PRKCA: variants seen among roughly 807,000 people sequenced by gnomAD.
PRKCA encodes the protein protein kinase C alpha.
In PRKCA, 27 loss-of-function variants were observed where a neutral mutation model predicts 87.0. The ratio of observed to expected loss-of-function variants is 0.31; its 90% CI spans 0.23 to 0.43. PRKCA has a LOEUF of 0.43. Ranked by LOEUF, PRKCA falls within the 20% of genes least tolerant of loss-of-function variation. PRKCA has a pLI of 1.00. For missense variants in PRKCA, 518 were observed against 852.3 expected, an observed-to-expected ratio of 0.61 and a Z score of 4.88; for synonymous variants, 329 against 311.1, an observed-to-expected ratio of 1.06 and a Z score of -0.61.
At chr17:66,775,420 C>T in intron 14 of PRKCA, 1 of 985,108 alleles carries the variant, frequency 1.0e-6, no homozygotes, top group African/African-American at 1.7e-5. Context: ...CACTTGGCCC[C>T]AGTGGGACAC....
In PRKCA at chr17:66,540,874, T is replaced by C. The variant is rs138512445; in HGVS notation, c.288+44591T>C. On this transcript the variant is annotated intron_variant, in intron 3 of 16. Coordinates refer to ENST00000413366, the MANE Select transcript of PRKCA (RefSeq NM_002737.3). ...TTCCTGGACCTATTCCGTTGTATATTTCTCTGTGCACTCCCTGAGCCTCCC... is the reference window on the plus strand; with the variant it reads ...TTCCTGGACCTATTCCGTTGTATATCTCTCTGTGCACTCCCTGAGCCTCCC... 5.1e-4 allele frequency among the ~76,000 whole-genome samples: 77 copies of C among 152,314 alleles called. No individual in the cohort carries two copies. The East Asian group carries it at 0.014, about 28-fold the overall frequency.
chr17:66,775,129 G>A, intron 14 of PRKCA: 4 of 983,816 alleles, frequency 4.1e-6, no homozygotes, highest in Non-Finnish European at 4.8e-6. Flanking sequence ...TGGTGGTGCT[G>A]ATGGATGCGA....
chr17:66,314,931 ATATG>A (rs1352354689), intron 2 of PRKCA, among the ~76,000 whole-genome samples: 3 of 150,960 alleles, frequency 2.0e-5, no homozygotes, highest in Admixed American at 6.6e-5. Context: ...GTGTGTATAT[ATATG>A]TGTGTGTGTA....
intron 13 of PRKCA, among the ~76,000 whole-genome samples, chr17:66,771,303 C>T (rs1974928536): frequency 6.6e-6 from 1 of 152,146 alleles, no homozygotes; most frequent in Non-Finnish European, 1.5e-5. Context: ...CTGCCCCTGG[C>T]CAGCAATGTG....
intron 3 of PRKCA, among the ~76,000 whole-genome samples, chr17:66,575,674 A>G (rs967980320): frequency 2.0e-5 from 3 of 152,246 alleles, no homozygotes; most frequent in Admixed American, 2.0e-4. Flanking sequence ...AAAACCACAC[A>G]TACAGGGATT....
rs1049593678 is a variant in PRKCA, at chr17:66,689,478, C to T, written c.918+431C>T. ...AGACTTTTTTTTTCTACAGAAAGTA[C>T]AAGGTTCCTAATTTTGTTCTGAAAG... On this transcript the variant is annotated intron_variant, in intron 8 of 16. Coordinates refer to ENST00000413366, the MANE Select transcript of PRKCA (RefSeq NM_002737.3). The surrounding 1 kb of genome is among the most constrained non-coding windows in gnomAD (Gnocchi z 4.1). Among the ~76,000 whole-genome samples the T allele has an allele frequency of 5.3e-5, 8 of 152,120 alleles. No individual in the cohort carries two copies. The highest frequency in any genetic ancestry group is 1.9e-4 in the African/African-American group (8 of 41,414).
At chr17:66,358,673 T>G (rs1422182541) in intron 2 of PRKCA, among the ~76,000 whole-genome samples, 6 of 152,160 alleles carry the variant, frequency 3.9e-5, no homozygotes, top group African/African-American at 1.4e-4. Flanking sequence ...TCAGTACCTT[T>G]TTTCTTGTCC....
At chr17:66,544,612 G>A (rs1324324564) in intron 3 of PRKCA, among the ~76,000 whole-genome samples, 1 of 151,262 alleles carries the variant, frequency 6.6e-6, no homozygotes, top group Non-Finnish European at 1.5e-5. Flanking sequence ...TTTTTAAGAT[G>A]GAGTGAGTCT....
At chr17:66,734,698 G>A (rs764930559) in intron 9 of PRKCA, among the ~76,000 whole-genome samples, 2 of 152,118 alleles carry the variant, frequency 1.3e-5, no homozygotes, top group African/African-American at 2.4e-5. Flanking sequence ...TGGGAATGCG[G>A]CCCAGCAGAT....
At chr17:66,666,830 C>A (rs1020813352) in intron 5 of PRKCA, among the ~76,000 whole-genome samples, 1 of 151,810 alleles carries the variant, frequency 6.6e-6, no homozygotes, top group Non-Finnish European at 1.5e-5. Context: ...CCTTTGAATC[C>A]CCCCCCCACA....
rs529470787 is a variant in PRKCA at position 66,419,150 on chromosome 17, A to T, written c.206-77051A>T. Among the ~76,000 whole-genome samples the T allele has an allele frequency of 9.2e-5, 14 of 152,238 alleles. 1 individual carries two copies. Among genetic ancestry groups the T allele is most frequent in the Middle Eastern group, 6.8e-3 (2 of 294 alleles). On this transcript the variant is annotated intron_variant, in intron 2 of 16. Coordinates refer to ENST00000413366, the MANE Select transcript of PRKCA (RefSeq NM_002737.3). ...ACATGGGCTCAATTATTATGTTAGG[A>T]TAATCAAATAAGAATACTAGTTCAA...
chr17:66,413,733 G>T (rs1911953569), intron 2 of PRKCA, among the ~76,000 whole-genome samples: 1 of 152,206 alleles, frequency 6.6e-6, no homozygotes. Context: ...AAGTATCAGG[G>T]CTGGGTGTGG....
At chr17:66,387,143 T>C (rs1910105711) in intron 2 of PRKCA, among the ~76,000 whole-genome samples, 1 of 152,264 alleles carries the variant, frequency 6.6e-6, no homozygotes, top group South Asian at 2.1e-4. Context: ...CATCAACTTG[T>C]AGTACAACAG....
intron 14 of PRKCA, 137 bp downstream of exon 14, chr17:66,774,204 AG>A: frequency 6.5e-7 from 1 of 1,534,478 alleles, no homozygotes; most frequent in Non-Finnish European, 8.8e-7. Context: ...CAGGCGAAAG[AG>A]GGAGAAACGC....
intron 5 of PRKCA, among the ~76,000 whole-genome samples, chr17:66,679,174 CTTTTTTTTTT>C (rs10714678): frequency 3.3e-5 from 4 of 121,056 alleles, no homozygotes; most frequent in African/African-American, 6.3e-5. Flanking sequence ...ACACTCACAC[CTTTTTTTTTT>C]TTTTTTTTTT....
chr17:66,654,091 G>A (rs28562384), intron 5 of PRKCA, among the ~76,000 whole-genome samples: 2 of 152,198 alleles, frequency 1.3e-5, no homozygotes, highest in East Asian at 3.9e-4. Flanking sequence ...GGCGTTCAGT[G>A]TTCTTGCAGA....
intron 2 of PRKCA, among the ~76,000 whole-genome samples, chr17:66,376,018 G>A (rs1440822363): frequency 6.6e-6 from 1 of 152,196 alleles, no homozygotes; most frequent in African/African-American, 2.4e-5. Flanking sequence ...TGTTTATTCA[G>A]TATATATTTA....
In PRKCA at chr17:66,733,425, C is replaced by G. The variant is rs150644246; in HGVS notation, c.1056+600C>G. Among the ~76,000 whole-genome samples the G allele has an allele frequency of 2.4e-3, 370 of 152,292 alleles. 1 individual carries two copies. The highest frequency in any genetic ancestry group is 8.5e-3 in the African/African-American group (354 of 41,558). Reference sequence around the variant, plus strand: ...ACTTATCTGTGAGGGAAGCCTAGCACAGGCACAATGGATGAACATATATGT... The same window carrying G: ...ACTTATCTGTGAGGGAAGCCTAGCAGAGGCACAATGGATGAACATATATGT... On this transcript the variant is annotated intron_variant, in intron 9 of 16. Transcript: ENST00000413366.
chr17:66,723,946 A>T (rs960165038), intron 8 of PRKCA, among the ~76,000 whole-genome samples: 2 of 152,224 alleles, frequency 1.3e-5, no homozygotes, highest in African/African-American at 4.8e-5. Context: ...ATAATTGAAG[A>T]CTGTGGACGG....
Sources: gnomAD v4.1 joint callset for allele counts (sites outside exome capture counted in the v4.1 genomes callset) on GRCh38, gnomAD v4.1.1 for gene constraint, Gnocchi (gnomAD v3.1) non-coding constraint, MANE v1.5 for transcripts, NCBI Gene and HGNC (gene_info 2026-07-23, HGNC 2026-07-21) for gene names.